Variants in DYRK4 observed in about 807,000 individuals in gnomAD.
The protein encoded by DYRK4 is dual specificity tyrosine phosphorylation regulated kinase 4, also known as dual specificity tyrosine-phosphorylation-regulated kinase 4.
DYRK4 carries 64 observed loss-of-function variants against 68.3 expected under a neutral mutation model. The ratio of observed to expected loss-of-function variants is 0.94; its 90% CI spans 0.77 to 1.15. The LOEUF (loss-of-function observed/expected upper bound fraction) is 1.15. Among genes scored for constraint, DYRK4 ranks in the 50% most tolerant of loss-of-function variants. DYRK4 has a pLI of 0.00. For missense variants in DYRK4, 740 were observed against 764.7 expected (o/e 0.97, Z 0.38); for synonymous variants, 274 against 289.9 (o/e 0.95, Z 0.56).
intron 2 of DYRK4, among the ~76,000 whole-genome samples, chr12:4,585,758 CCTAAAA>C (rs1944890943): frequency 6.6e-6 from 1 of 152,116 alleles, no homozygotes; most frequent in Non-Finnish European, 1.5e-5. Flanking sequence ...GCACATGTAC[CCTAAAA>C]CTTAAAGTAT....
At chr12:4,569,222 A>T (rs1248648806) in intron 2 of DYRK4, among the ~76,000 whole-genome samples, 1 of 152,192 alleles carries the variant, frequency 6.6e-6, no homozygotes, top group Non-Finnish European at 1.5e-5. Context: ...TTATTTTGCA[A>T]TTTATAGGTG....
Position 4,610,243 on chromosome 12 carries a change from C to A in DYRK4, c.1449C>A (p.Thr483=). The change falls in exon 13 of 15, where the codon ACC becomes ACA. Residue 483 remains threonine (T), a synonymous_variant. Transcript: ENST00000543431. The part of the protein sequence containing the change: ...DSKDLTMVLK[T]YDTSFLDFLR... Reference sequence around the variant, plus strand: ...AGGACCTCACGATGGTGCTGAAAACCTATGACACCAGCTTCCTGGACTTTC... The same window carrying A: ...AGGACCTCACGATGGTGCTGAAAACATATGACACCAGCTTCCTGGACTTTC... The A allele has an allele frequency of 6.3e-7, 1 of 1,593,832 alleles. No homozygotes were observed. Among genetic ancestry groups the A allele is most frequent in the South Asian group, 1.1e-5 (1 of 87,068 alleles).
intron 2 of DYRK4, among the ~76,000 whole-genome samples, chr12:4,577,127 G>C (rs1944797587): frequency 6.6e-6 from 1 of 152,130 alleles, no homozygotes; most frequent in Non-Finnish European, 1.5e-5. Context: ...AAGTTTTATA[G>C]TTTCGTGATT....
chr12:4,598,348 TCA>T (rs1363316243), intron 8 of DYRK4, among the ~76,000 whole-genome samples: 1 of 152,232 alleles, frequency 6.6e-6, no homozygotes, highest in Non-Finnish European at 1.5e-5. Context: ...TCTCCCCATC[TCA>T]CAGCTTGCAC....
At chr12:4,604,842 T>G (rs2286576) in intron 10 of DYRK4, 72 bp from the exon 11 acceptor site, 727,003 of 1,448,460 alleles carry the variant, frequency 0.5, 192,126 homozygotes, top group East Asian at 0.9. Context: ...AACTGAGAAG[T>G]TGTCCTGGGG....
chr12:4,575,460 C>T (rs1944779467), intron 2 of DYRK4, among the ~76,000 whole-genome samples: 1 of 152,078 alleles, frequency 6.6e-6, no homozygotes, highest in South Asian at 2.1e-4. Flanking sequence ...AGATGCATGC[C>T]GCCACTACCA....
At chr12:4,606,136 TTA>T (rs1945147178) in intron 11 of DYRK4, among the ~76,000 whole-genome samples, 1 of 152,238 alleles carries the variant, frequency 6.6e-6, no homozygotes, top group Non-Finnish European at 1.5e-5. Flanking sequence ...TGATTATTAA[TTA>T]TATCTATTAT....
At chr12:4,583,384 C>T (rs941621547) in intron 2 of DYRK4, among the ~76,000 whole-genome samples, 1 of 151,970 alleles carries the variant, frequency 6.6e-6, no homozygotes, top group African/African-American at 2.4e-5. Context: ...TGACCCAGTC[C>T]ACGTCCCCAT....
At chr12:4,567,582 T>G (rs756349648) in intron 1 of DYRK4, among the ~76,000 whole-genome samples, 5 of 152,234 alleles carry the variant, frequency 3.3e-5, no homozygotes, top group Non-Finnish European at 5.9e-5. Context: ...GTTCCCCTTT[T>G]CTTTTTCTAT....
chr12:4,572,495 C>T (rs2137326042), intron 2 of DYRK4, among the ~76,000 whole-genome samples: 1 of 152,298 alleles, frequency 6.6e-6, no homozygotes, highest in East Asian at 1.9e-4. Flanking sequence ...CGGAGTTTCA[C>T]CATGTTAGCC....
chr12:4,593,207 G>C (rs1335042408), intron 6 of DYRK4, 42 bp downstream of exon 6: 1 of 1,599,288 alleles, frequency 6.3e-7, no homozygotes, highest in Non-Finnish European at 8.5e-7. Context: ...GGGGCCCAGG[G>C]ACAAGAGGTA....
intron 2 of DYRK4, chr12:4,581,004 G>A (rs1944836872): frequency 2.6e-6 from 1 of 383,172 alleles, no homozygotes; most frequent in Non-Finnish European, 5.1e-6. Flanking sequence ...TTCGGTCCAA[G>A]GTAATAAGAT....
rs1225858001 is a variant in DYRK4 at position 4,610,215 on chromosome 12, C to G, written c.1421C>G (p.Ser474Cys). 2 of 1,601,690 alleles carry G rather than the reference C, an allele frequency of 1.2e-6. No individual in the cohort carries two copies. The highest frequency in any genetic ancestry group is 2.7e-5 in the African/African-American group (2 of 74,354). The change falls in exon 13 of 15, where the codon TCC becomes TGC. Residue 474 changes from serine to cysteine, a missense_variant. Transcript: ENST00000543431. ...AGGGGGAAAAAAAGATACCCAGATT[C>G]CAAGGACCTCACGATGGTGCTGAAA... ...NNRGKKRYPD[S>C]KDLTMVLKTY...
At chr12:4,597,060 C>G (rs1028814597) in intron 8 of DYRK4, 3 of 1,142,752 alleles carry the variant, frequency 2.6e-6, no homozygotes, top group Non-Finnish European at 3.2e-6. Flanking sequence ...GTCATTTTCC[C>G]CACTCATTGG....
In DYRK4 at chr12:4,598,964, G is replaced by A. The variant is rs577541915; in HGVS notation, c.906-64G>A. On this transcript the variant is annotated intron_variant, in intron 8 of 14. Coordinates refer to ENST00000543431, the MANE Select transcript of DYRK4 (RefSeq NM_001394779.1). The stretch of plus-strand genomic sequence containing the variant: ...ACCAGGTGATACAAGATTGTTTGCA[G>A]GTTCAAACTCAGCCTTATATGTTTT... 5.1e-6 allele frequency: 8 copies of A among 1,583,196 alleles called. No homozygotes were observed. The South Asian group carries it at 5.6e-5, about 11-fold the overall frequency.
rs1945245801 is a variant in DYRK4 at position 4,613,103 on chromosome 12, C to T, written c.1666+385C>T. Among the ~76,000 whole-genome samples the T allele has an allele frequency of 1.3e-5, 2 of 152,138 alleles. No individual in the cohort carries two copies. The highest frequency in any genetic ancestry group is 4.1e-4 in the South Asian group (2 of 4,824). On this transcript the variant is annotated intron_variant, in intron 14 of 14. Transcript: ENST00000543431. The surrounding 1 kb of genome is among the most constrained non-coding windows in gnomAD (Gnocchi z 4.0). ...ATTAACTGCGTCCACCCCTTTATGC[C>T]CTATAATTACCTTTAGAATTTCTGT...
chr12:4,565,631 T>C (rs993901377), intron 1 of DYRK4, among the ~76,000 whole-genome samples: 2 of 151,760 alleles, frequency 1.3e-5, no homozygotes, highest in African/African-American at 2.4e-5. Context: ...CATTTACTTT[T>C]TTTTTTTTTT....
chr12:4,607,928 T>C (rs1264839262), intron 12 of DYRK4, among the ~76,000 whole-genome samples: 2 of 152,240 alleles, frequency 1.3e-5, no homozygotes, highest in African/African-American at 2.4e-5. Flanking sequence ...TATGTACGTG[T>C]CATCTGTCTG....
intron 1 of DYRK4, among the ~76,000 whole-genome samples, chr12:4,566,656 A>C (rs1944680350): frequency 6.6e-6 from 1 of 152,254 alleles, no homozygotes; most frequent in African/African-American, 2.4e-5. Context: ...GAGGGCAGAG[A>C]CCATGTCTGG....
Sources: allele counts gnomAD v4.1 joint callset (sites outside exome capture counted in the v4.1 genomes callset), GRCh38; gene constraint gnomAD v4.1.1; non-coding constraint Gnocchi (gnomAD v3.1); transcripts MANE v1.5; gene names NCBI Gene and HGNC (gene_info 2026-07-23, HGNC 2026-07-21).